Variants in KCNU1 observed in about 807,000 individuals in gnomAD.
KCNU1 encodes potassium channel subfamily U member 1.
In KCNU1, 93 loss-of-function variants were observed where a neutral mutation model predicts 126.8. The ratio of observed to expected loss-of-function variants is 0.73; its 90% CI spans 0.62 to 0.87. The LOEUF is 0.87. Ranked by LOEUF, KCNU1 falls within the 40% of genes least tolerant of loss-of-function variation. The pLI, the probability that KCNU1 is intolerant of heterozygous loss-of-function variation, is 0.00. For synonymous variants in KCNU1, 523 were observed against 494.2 expected, an observed-to-expected ratio of 1.06 and a Z score of -0.77; for missense variants, 1,330 against 1,367.1, an observed-to-expected ratio of 0.97 and a Z score of 0.43.
At chr8:36,879,777 G>A (rs1333258784) in intron 19 of KCNU1, among the ~76,000 whole-genome samples, 5 of 152,162 alleles carry the variant, frequency 3.3e-5, no homozygotes. Context: ...TAAATCACTA[G>A]GACTTTGCTC....
chr8:36,905,432 C>G (rs1807583850), intron 19 of KCNU1, among the ~76,000 whole-genome samples: 1 of 148,322 alleles, frequency 6.7e-6, no homozygotes, highest in South Asian at 2.2e-4. Flanking sequence ...GCAGAAATAA[C>G]TATCTTCAAG....
intron 6 of KCNU1, among the ~76,000 whole-genome samples, chr8:36,808,364 G>A (rs1202401897): frequency 6.6e-6 from 1 of 151,942 alleles, no homozygotes; most frequent in Non-Finnish European, 1.5e-5. Context: ...TATTATATCG[G>A]ACAATATAAC....
At chr8:36,878,895 T>C (rs1806366216) in intron 19 of KCNU1, among the ~76,000 whole-genome samples, 1 of 147,754 alleles carries the variant, frequency 6.8e-6, no homozygotes, top group South Asian at 2.1e-4. Context: ...TATAATACAT[T>C]TTAATACATT....
intron 24 of KCNU1, among the ~76,000 whole-genome samples, chr8:36,925,022 T>C (rs1808487625): frequency 2.0e-5 from 3 of 152,148 alleles, no homozygotes; most frequent in Admixed American, 2.0e-4. Flanking sequence ...GATTTGGTCA[T>C]GAGCCTGATT....
At chr8:36,795,626 A>G (rs1563259436) in intron 2 of KCNU1, 1 of 152,380 alleles carries the variant, frequency 6.6e-6, no homozygotes. Flanking sequence ...TCCTGTCCAT[A>G]GTTCCCTGAG....
intron 2 of KCNU1, among the ~76,000 whole-genome samples, chr8:36,790,998 GAAA>G (rs199547680): frequency 7.4e-5 from 10 of 134,936 alleles, no homozygotes; most frequent in African/African-American, 2.4e-4. Flanking sequence ...TAGGAAGATG[GAAA>G]AAAAAAAAAA....
At chr8:36,925,513 T>C (rs772030401) in intron 24 of KCNU1, among the ~76,000 whole-genome samples, 4 of 152,158 alleles carry the variant, frequency 2.6e-5, no homozygotes, top group Non-Finnish European at 5.9e-5. Flanking sequence ...TTGGAAATAA[T>C]TGTGAATGCT....
intron 18 of KCNU1, among the ~76,000 whole-genome samples, chr8:36,863,991 AAGG>A (rs1217078372): frequency 1.3e-5 from 2 of 152,158 alleles, no homozygotes; most frequent in Non-Finnish European, 2.9e-5. Context: ...CATAAAGCAA[AAGG>A]AGGTGATGTC....
intron 19 of KCNU1, among the ~76,000 whole-genome samples, chr8:36,898,956 T>C (rs1229782903): frequency 2.0e-5 from 3 of 152,060 alleles, no homozygotes; most frequent in African/African-American, 7.2e-5. Flanking sequence ...ACTAACATTG[T>C]AGAAAATTCC....
intron 19 of KCNU1, among the ~76,000 whole-genome samples, chr8:36,870,145 G>A (rs1158212321): frequency 6.6e-6 from 1 of 152,160 alleles, no homozygotes; most frequent in Non-Finnish European, 1.5e-5. Flanking sequence ...TCCTATGGCA[G>A]TCTTTCATTT....
At chr8:36,888,605 A>G (rs773995741) in intron 19 of KCNU1, 2 of 534,272 alleles carry the variant, frequency 3.7e-6, no homozygotes, top group Non-Finnish European at 7.7e-6. Flanking sequence ...AACAGGGAAC[A>G]CTGATGACTC....
At chr8:36,800,543 G>T (rs748644608) in intron 2 of KCNU1, among the ~76,000 whole-genome samples, 10 of 152,192 alleles carry the variant, frequency 6.6e-5, no homozygotes, top group Non-Finnish European at 1.5e-4. Context: ...CTCTGAGAGT[G>T]CTCAGCCTCA....
In KCNU1 at chr8:36,932,962, CT is replaced by C. The variant is rs1487171945; in HGVS notation, c.2979del (p.Phe993LeufsTer11). On this transcript the variant is annotated frameshift_variant, in exon 26 of 27. Coordinates refer to ENST00000399881, the MANE Select transcript of KCNU1 (RefSeq NM_001031836.3). LOFTEE classifies it high-confidence loss of function. ...FGQLFCGSLD[L>X]FGILCVGLYR... ...ACAACTGTTCTGTGGCTCATTAGAT[CT>C]TTTTGGAATCCTGTGTGTTGGCTTA... 1.3e-6 allele frequency: 2 copies of C among 1,577,044 alleles called. No individual in the cohort carries two copies. The highest frequency in any genetic ancestry group is 1.2e-5 in the South Asian group (1 of 85,940).
intron 16 of KCNU1, among the ~76,000 whole-genome samples, chr8:36,842,839 T>C (rs1021200098): frequency 6.6e-6 from 1 of 152,124 alleles, no homozygotes; most frequent in Non-Finnish European, 1.5e-5. Context: ...CCGGTTAATT[T>C]TTGTATTTTT....
At chr8:36,840,625 C>G (rs765834561) in intron 15 of KCNU1, 50 bp downstream of exon 15, 3 of 1,076,112 alleles carry the variant, frequency 2.8e-6, no homozygotes, top group East Asian at 4.9e-5. Flanking sequence ...AGCATTCTTT[C>G]AACAACGTTC....
At chr8:36,887,574 A>G (rs1236771284) in intron 19 of KCNU1, among the ~76,000 whole-genome samples, 1 of 151,870 alleles carries the variant, frequency 6.6e-6, no homozygotes, top group Non-Finnish European at 1.5e-5. Context: ...AACCGGCCAG[A>G]ACCAATCCAT....
chr8:36,900,251 G>A (rs1807361469), intron 19 of KCNU1, among the ~76,000 whole-genome samples: 2 of 152,112 alleles, frequency 1.3e-5, no homozygotes, highest in Non-Finnish European at 2.9e-5. Context: ...GTCCCCAGTT[G>A]CTTGGTCCTG....
chr8:36,871,757 C>G (rs1232023577), intron 19 of KCNU1, among the ~76,000 whole-genome samples: 1 of 152,072 alleles, frequency 6.6e-6, no homozygotes. Flanking sequence ...GAGGAAGTGG[C>G]CCTCAGATCA....
chr8:36,933,317 T>C (rs535977843), intron 26 of KCNU1, among the ~76,000 whole-genome samples: 3 of 152,224 alleles, frequency 2.0e-5, no homozygotes, highest in South Asian at 2.1e-4. Context: ...CATGTTTCAA[T>C]TTTGTAACTT....
Sources: gnomAD v4.1 joint callset for allele counts (sites outside exome capture counted in the v4.1 genomes callset) on GRCh38, gnomAD v4.1.1 for gene constraint, MANE v1.5 for transcripts, NCBI Gene and HGNC (gene_info 2026-07-23, HGNC 2026-07-21) for gene names.